RYR3: variants seen among roughly 807,000 people sequenced by gnomAD.
RYR3 encodes the protein brain ryanodine receptor-calcium release channel.
Under a neutral mutation model 584.3 loss-of-function variants are expected in RYR3, and 207 were observed. The ratio of observed to expected loss-of-function variants is 0.35; its 90% CI spans 0.32 to 0.40. The LOEUF is 0.40. Among genes scored for constraint, RYR3 ranks in the 10% least tolerant of loss-of-function variants. The pLI, the probability that RYR3 is intolerant of heterozygous loss-of-function variation, is 1.00. For synonymous variants in RYR3, 2,416 were observed against 2,248.5 expected (o/e 1.07, Z -2.11); for missense variants, 5,616 against 6,089.2 (o/e 0.92, Z 2.59).
At chr15:33,319,295 C>T (rs567318941) in intron 1 of RYR3, among the ~76,000 whole-genome samples, 8 of 134,678 alleles carry the variant, frequency 5.9e-5, no homozygotes, top group Non-Finnish European at 1.1e-4. Context: ...GGAGAGATCC[C>T]GTTGGCTACC....
chr15:33,819,832 G>A (rs1567239021), intron 77 of RYR3, 25 bp downstream of exon 77: 2 of 1,563,200 alleles, frequency 1.3e-6, no homozygotes, highest in African/African-American at 1.4e-5. Flanking sequence ...TCTGCCCATT[G>A]TCTCTGTCTT....
intron 1 of RYR3, among the ~76,000 whole-genome samples, chr15:33,347,938 G>A (rs1972680545): frequency 6.8e-6 from 1 of 147,366 alleles, no homozygotes; most frequent in African/African-American, 2.5e-5. Flanking sequence ...TACCCTTGTT[G>A]CTACTGGCAT....
At chr15:33,635,881 T>C (rs1200443447) in intron 26 of RYR3, 62 bp downstream of exon 26, 9 of 1,418,932 alleles carry the variant, frequency 6.3e-6, no homozygotes, top group Non-Finnish European at 8.7e-6. Flanking sequence ...CCAAACATTT[T>C]TCTGGAAGCT....
At chr15:33,645,490 T>C (rs1488687489) in intron 28 of RYR3, among the ~76,000 whole-genome samples, 1 of 152,178 alleles carries the variant, frequency 6.6e-6, no homozygotes, top group East Asian at 1.9e-4. Flanking sequence ...AGTTAAATAG[T>C]AGAGACTTTT....
intron 2 of RYR3, among the ~76,000 whole-genome samples, chr15:33,488,068 C>T (rs1301155794): frequency 6.6e-6 from 1 of 152,218 alleles, no homozygotes; most frequent in Non-Finnish European, 1.5e-5. Context: ...CACCTTTTAA[C>T]TCTGAGATCT....
chr15:33,429,007 T>G (rs2044889322), intron 1 of RYR3, among the ~76,000 whole-genome samples: 1 of 152,216 alleles, frequency 6.6e-6, no homozygotes, highest in Non-Finnish European at 1.5e-5. Flanking sequence ...CCTAGTTAAG[T>G]TGCCCAGTGG....
chr15:33,568,709 G>C (rs774488161), intron 12 of RYR3, among the ~76,000 whole-genome samples: 14 of 152,120 alleles, frequency 9.2e-5, no homozygotes, highest in Non-Finnish European at 1.9e-4. Flanking sequence ...GGCATTATAG[G>C]CATGAGCCAC....
chr15:33,503,607 C>A, intron 2 of RYR3, 24 bp from the exon 3 acceptor site: 1 of 1,410,448 alleles, frequency 7.1e-7, no homozygotes, highest in Non-Finnish European at 1.0e-6. Flanking sequence ...AGTAGGTATC[C>A]TCATTCTGAT....
chr15:33,368,995 C>T (rs553963824), intron 1 of RYR3, among the ~76,000 whole-genome samples: 2 of 152,300 alleles, frequency 1.3e-5, no homozygotes, highest in South Asian at 4.1e-4. Flanking sequence ...TGCTGTGCAC[C>T]AGCACTGACA....
chr15:33,344,942 C>T (rs1274339705), intron 1 of RYR3, among the ~76,000 whole-genome samples: 2 of 152,128 alleles, frequency 1.3e-5, no homozygotes, highest in Non-Finnish European at 2.9e-5. Flanking sequence ...TTGCTGAAAT[C>T]CACTTTCCCA....
intron 64 of RYR3, among the ~76,000 whole-genome samples, chr15:33,774,266 A>G (rs542892460): frequency 6.6e-6 from 1 of 152,312 alleles, no homozygotes; most frequent in African/African-American, 2.4e-5. Context: ...TCCATGGGGA[A>G]GATTGGGAGG....
chr15:33,393,395 G>A (rs1313960064), intron 1 of RYR3, among the ~76,000 whole-genome samples: 1 of 152,100 alleles, frequency 6.6e-6, no homozygotes, highest in Non-Finnish European at 1.5e-5. Flanking sequence ...AAAGGTTGTT[G>A]GAAAGACCAC....
At chr15:33,416,177 G>A (rs1034599779) in intron 1 of RYR3, among the ~76,000 whole-genome samples, 3 of 152,140 alleles carry the variant, frequency 2.0e-5, no homozygotes, top group African/African-American at 4.8e-5. Context: ...GAGTGCATGT[G>A]TCTTTTTGGT....
chr15:33,422,692 C>A (rs2044324618), intron 1 of RYR3, among the ~76,000 whole-genome samples: 1 of 151,982 alleles, frequency 6.6e-6, no homozygotes, highest in Non-Finnish European at 1.5e-5. Context: ...TCTTCTGTAT[C>A]GTGGGGCCAT....
chr15:33,697,816 C>A, intron 39 of RYR3, 66 bp from the exon 40 acceptor site: 2 of 979,734 alleles, frequency 2.0e-6, no homozygotes, highest in South Asian at 1.3e-5. Flanking sequence ...TGTGTGTTCT[C>A]ATCCCTGAAT....
intron 3 of RYR3, among the ~76,000 whole-genome samples, chr15:33,522,152 AC>A (rs1336142867): frequency 6.7e-6 from 1 of 149,842 alleles, no homozygotes; most frequent in African/African-American, 2.5e-5. Context: ...ATTCCTAGCT[AC>A]CCAGGAGGCT....
chr15:33,669,440 C>T lies in RYR3; in HGVS notation c.5706C>T (p.Asp1902=), dbSNP rs1213613702. ...IREELYDFHE[D]LLLHCGVPLE... is the part of the protein sequence containing the mutation. Reference sequence around the variant, plus strand: ...AGGAGCTGTATGATTTCCATGAGGACCTTCTCCTTCACTGTGGTAAGCTGC... The same window carrying T: ...AGGAGCTGTATGATTTCCATGAGGATCTTCTCCTTCACTGTGGTAAGCTGC... The change falls in exon 37 of 104, where the codon GAC becomes GAT. Residue 1902 remains aspartate, a synonymous_variant. Transcript: ENST00000634891. 1.9e-6 allele frequency: 3 copies of T among 1,613,824 alleles called. No individual in the cohort carries two copies. The highest frequency in any genetic ancestry group is 2.5e-6 in the Non-Finnish European group (3 of 1,179,780).
chr15:33,566,147 G>A lies in RYR3; in HGVS notation c.1147-531G>A, dbSNP rs1056779075. Among the ~76,000 whole-genome samples, 32 of 152,306 alleles carry A rather than the reference G, an allele frequency of 2.1e-4. 1 individual carries two copies. The highest frequency in any genetic ancestry group is 7.5e-4 in the African/African-American group (31 of 41,570). ...CCCATGCTTTCAAATTTACTCTCTA[G>A]CCTCCAAGAGAAGCCAGCTACCACC... On this transcript the variant is annotated intron_variant, in intron 11 of 103. Transcript: ENST00000634891.
In RYR3 at chr15:33,603,289, G is replaced by A; in HGVS notation, c.2089G>A (p.Gly697Arg). ...SSGYAPYPGG[G>R]EGWGGNGVGD... ...AGGCTATGCCCCATACCCAGGAGGT[G>A]GAGAAGGATGGGGAGGCAATGGTGT... Residue 697 changes from glycine (G) to arginine (R), a missense_variant, in exon 18 of 104, where the codon GGA (glycine) becomes AGA (arginine). Gly to Arg is a moderately radical substitution (Grantham distance 125). Coordinates refer to ENST00000634891, the MANE Select transcript of RYR3 (RefSeq NM_001036.6). 2 of 1,613,762 alleles carry A rather than the reference G, an allele frequency of 1.2e-6. No individual in the cohort carries two copies. Among genetic ancestry groups the A allele is most frequent in the South Asian group, 1.1e-5 (1 of 91,054 alleles).
Sources: allele counts gnomAD v4.1 joint callset (sites outside exome capture counted in the v4.1 genomes callset), GRCh38; gene constraint gnomAD v4.1.1; transcripts MANE v1.5; gene names NCBI Gene and HGNC (gene_info 2026-07-23, HGNC 2026-07-21).